The following ETFA variants were observed in gnomAD, a reference collection of about 807,000 sequenced individuals.
ETFA encodes the protein electron transfer flavoprotein subunit alpha.
Under a neutral mutation model 46.2 loss-of-function variants are expected in ETFA, and 22 were observed. The observed-to-expected ratio is 0.48, with a 90% CI of 0.34 to 0.68. The LOEUF is 0.68. ETFA is among the 30% of genes least tolerant of loss of function. The pLI is 0.01. For synonymous variants in ETFA, 131 were observed against 139.9 expected (o/e 0.94, Z 0.45); for missense variants, 345 against 401.1 (o/e 0.86, Z 1.19).
chr15:76,284,950 GA>G, intron 7 of ETFA: 1 of 397,316 alleles, frequency 2.5e-6, no homozygotes. Flanking sequence ...AAAAGAAAAC[GA>G]AAAACAAGTC....
At chr15:76,223,751 C>T (rs746010637) in intron 11 of ETFA, among the ~76,000 whole-genome samples, 5 of 152,176 alleles carry the variant, frequency 3.3e-5, no homozygotes, top group African/African-American at 7.2e-5. Flanking sequence ...ACTGAGAAAC[C>T]TCCGTGTCCA....
At chr15:76,220,366 G>A (rs2038945419) in intron 11 of ETFA, among the ~76,000 whole-genome samples, 1 of 152,170 alleles carries the variant, frequency 6.6e-6, no homozygotes, top group Non-Finnish European at 1.5e-5. Context: ...ATGCCTGGCT[G>A]GCAATGGTTT....
chr15:76,297,577 C>T (rs894988394), intron 1 of ETFA, among the ~76,000 whole-genome samples: 6 of 151,790 alleles, frequency 4.0e-5, no homozygotes, highest in African/African-American at 1.2e-4. Flanking sequence ...GGCAGAAGGC[C>T]CATACTTGCT....
chr15:76,239,753 C>A (rs977893139), intron 9 of ETFA, among the ~76,000 whole-genome samples: 61 of 150,190 alleles, frequency 4.1e-4, no homozygotes, highest in African/African-American at 1.5e-3. Context: ...CAAGATGAGA[C>A]CTGGTGAAGA....
intron 9 of ETFA, among the ~76,000 whole-genome samples, chr15:76,239,300 C>T (rs57634299): frequency 2.6e-5 from 4 of 152,082 alleles, no homozygotes; most frequent in Non-Finnish European, 5.9e-5. Flanking sequence ...TTAAAGTATA[C>T]AATGTGATGT....
chr15:76,268,401 C>T (rs529338220), intron 9 of ETFA, among the ~76,000 whole-genome samples: 9 of 152,176 alleles, frequency 5.9e-5, no homozygotes, highest in East Asian at 3.9e-4. Context: ...AATCTGAATA[C>T]GAAGACGGAA....
rs149971184 is a variant in ETFA at position 76,242,371 on chromosome 15, C to G, written c.817-10973G>C. ...CCATTCACCAAACTGCCTCCTTTCC[C>G]AAATCACTAAGAGCTGGCCATTGCT... On this transcript the variant is annotated intron_variant, in intron 9 of 11. Coordinates refer to ENST00000557943, the MANE Select transcript of ETFA (RefSeq NM_000126.4). 4.3e-3 allele frequency among the ~76,000 whole-genome samples: 649 copies of G among 152,228 alleles called. 7 individuals carry two copies. The highest frequency in any genetic ancestry group is 6.0e-3 in the Non-Finnish European group (408 of 68,004).
chr15:76,269,446 T>C (rs992040767), intron 9 of ETFA, among the ~76,000 whole-genome samples: 2 of 152,208 alleles, frequency 1.3e-5, no homozygotes, highest in Admixed American at 6.5e-5. Flanking sequence ...ATCACAGCTG[T>C]AGCTCATTTG....
At chr15:76,297,308 C>G (rs1308666552) in intron 1 of ETFA, among the ~76,000 whole-genome samples, 1 of 151,680 alleles carries the variant, frequency 6.6e-6, no homozygotes, top group Non-Finnish European at 1.5e-5. Context: ...ATATGGTACC[C>G]TTTCTTTTTT....
At position 76,225,641 on chromosome 15, in the gene ETFA, T is replaced by C. The variant is rs10152290; in HGVS notation, c.963+208A>G. On this transcript the variant is annotated intron_variant, in intron 11 of 11. Transcript: ENST00000557943. ...GGACTCTTTCTTAAAAGGAAAGTTA[T>C]AATGCTCTATATAAACAACACATAT... Among the ~76,000 whole-genome samples, 1,111 of 152,330 alleles carry C rather than the reference T, an allele frequency of 7.3e-3. 18 individuals carry two copies. Among genetic ancestry groups the C allele is most frequent in the African/African-American group, 0.025 (1,057 of 41,558 alleles).
intron 8 of ETFA, among the ~76,000 whole-genome samples, chr15:76,276,916 T>C (rs2039598696): frequency 6.6e-6 from 1 of 152,234 alleles, no homozygotes. Context: ...GTCTGATTAT[T>C]CCAGCTCAGT....
At chr15:76,256,748 A>G (rs2141488101) in intron 9 of ETFA, among the ~76,000 whole-genome samples, 1 of 152,392 alleles carries the variant, frequency 6.6e-6, no homozygotes, top group East Asian at 1.9e-4. Flanking sequence ...CCATAAAATT[A>G]TAATGAATCT....
chr15:76,245,485 T>A (rs2039234783), intron 9 of ETFA, among the ~76,000 whole-genome samples: 1 of 152,184 alleles, frequency 6.6e-6, no homozygotes, highest in Admixed American at 6.5e-5. Context: ...TACAAGTAAG[T>A]CTATAAAGTT....
At chr15:76,306,369 CA>C (rs1301606079) in intron 1 of ETFA, among the ~76,000 whole-genome samples, 1 of 149,446 alleles carries the variant, frequency 6.7e-6, no homozygotes, top group Non-Finnish European at 1.5e-5. Flanking sequence ...TGGGTTCAAG[CA>C]ATTCTCCTGC....
At chr15:76,285,779 C>A in intron 6 of ETFA, 41 bp from the exon 7 acceptor site, 4 of 1,166,742 alleles carry the variant, frequency 3.4e-6, no homozygotes, top group Non-Finnish European at 5.2e-6. Context: ...ACTATGATTT[C>A]AAGTTCTATA....
intron 9 of ETFA, among the ~76,000 whole-genome samples, chr15:76,265,043 C>T (rs750886509): frequency 2.0e-5 from 3 of 152,222 alleles, no homozygotes; most frequent in Non-Finnish European, 2.9e-5. Context: ...ATATCCGGCA[C>T]AGCCAGTGCC....
intron 4 of ETFA, among the ~76,000 whole-genome samples, chr15:76,290,759 G>T (rs1361975490): frequency 3.9e-5 from 6 of 152,042 alleles, no homozygotes. Context: ...ATAGAAGGAG[G>T]CCTAAAAGAA....
intron 9 of ETFA, chr15:76,261,717 C>T (rs2039415637): frequency 7.5e-6 from 2 of 265,036 alleles, no homozygotes; most frequent in Admixed American, 9.9e-5. Flanking sequence ...CCATGCCAGG[C>T]CCGGCCCACG....
intron 9 of ETFA, among the ~76,000 whole-genome samples, chr15:76,256,122 GTGGTTCACACCTGTAAT>G (rs2039343262): frequency 6.6e-6 from 1 of 152,008 alleles, no homozygotes; most frequent in Non-Finnish European, 1.5e-5. Context: ...GCCAGGCATA[GTGGTTCACACCTGTAAT>G]CCCAGCTACT....
Sources: allele counts gnomAD v4.1 joint callset (sites outside exome capture counted in the v4.1 genomes callset), GRCh38; gene constraint gnomAD v4.1.1; transcripts MANE v1.5; gene names NCBI Gene and HGNC (gene_info 2026-07-23, HGNC 2026-07-21).